Variants in MSRB3 observed in about 807,000 individuals in gnomAD.
MSRB3 encodes the protein methionine sulfoxide reductase B3, also known as methionine-R-sulfoxide reductase B3.
MSRB3 carries 13 observed loss-of-function variants against 21.0 expected under a neutral mutation model. The observed-to-expected ratio is 0.62, with a 90% CI of 0.40 to 0.98. The LOEUF is 0.98. Ranked by LOEUF, MSRB3 falls within the 50% of genes least tolerant of loss-of-function variation. The probability of loss-of-function intolerance (pLI) is 0.00; values close to 1 mark genes in which losing one functional copy is unlikely to be tolerated. For missense variants in MSRB3, 199 were observed against 230.3 expected, an observed-to-expected ratio of 0.86 and a Z score of 0.88; for synonymous variants, 87 against 88.6, an observed-to-expected ratio of 0.98 and a Z score of 0.10.
At chr12:65,424,603 C>T (rs1397010447) in intron 5 of MSRB3, among the ~76,000 whole-genome samples, 1 of 151,990 alleles carries the variant, frequency 6.6e-6, no homozygotes, top group Non-Finnish European at 1.5e-5. Context: ...AACTTCTTCA[C>T]ATGTGTGAAT....
intron 2 of MSRB3, among the ~76,000 whole-genome samples, chr12:65,313,509 CAT>C (rs954930376): frequency 3.9e-5 from 6 of 152,106 alleles, no homozygotes; most frequent in South Asian, 2.1e-4. Flanking sequence ...TGCATCTACA[CAT>C]GTTTTCATAT....
At position 65,463,185 on chromosome 12, in the gene MSRB3, G is replaced by A; in HGVS notation, c.421G>A (p.Asp141Asn). Residue 141 changes from aspartate (D) to asparagine (N), a missense_variant, in exon 7 of 7, where the codon GAT becomes AAT. Transcript: ENST00000308259. ...CGAHLGHIFDDGPRPTGKRYC... is the reference protein window; with the variant it reads ...CGAHLGHIFDNGPRPTGKRYC... ...TGCTCACCTTGGGCACATTTTTGAT[G>A]ATGGGCCTCGTCCAACTGGGAAAAG... 6.2e-7 allele frequency: 1 copy of A among 1,614,120 alleles called. No homozygotes were observed. The highest frequency in any genetic ancestry group is 1.1e-5 in the South Asian group (1 of 91,082).
At chr12:65,329,893 G>C (rs1875298966) in intron 4 of MSRB3, among the ~76,000 whole-genome samples, 1 of 152,154 alleles carries the variant, frequency 6.6e-6, no homozygotes, top group African/African-American at 2.4e-5. Flanking sequence ...CATTGGTTGA[G>C]AATCTGTTCT....
chr12:65,294,222 C>T (rs934529920), intron 1 of MSRB3, among the ~76,000 whole-genome samples: 2 of 152,164 alleles, frequency 1.3e-5, no homozygotes, highest in South Asian at 2.1e-4. Flanking sequence ...TTAGTGTCTC[C>T]TGTTGGATCC....
intron 4 of MSRB3, among the ~76,000 whole-genome samples, chr12:65,355,446 A>G (rs992194117): frequency 1.3e-5 from 2 of 151,922 alleles, no homozygotes; most frequent in African/African-American, 4.8e-5. Flanking sequence ...TTTCATAATC[A>G]TAAGTTGGCT....
chr12:65,429,269 G>A (rs555997250), intron 5 of MSRB3, among the ~76,000 whole-genome samples: 4 of 152,228 alleles, frequency 2.6e-5, no homozygotes, highest in African/African-American at 7.2e-5. Flanking sequence ...GGAGGGAGAC[G>A]CTCATTTAAA....
chr12:65,429,093 C>G (rs781346498), intron 5 of MSRB3, among the ~76,000 whole-genome samples: 1 of 152,074 alleles, frequency 6.6e-6, no homozygotes. Context: ...GCCTTAGGGA[C>G]AGGAGATACA....
At chr12:65,337,965 T>C (rs1030184756) in intron 4 of MSRB3, among the ~76,000 whole-genome samples, 1 of 152,224 alleles carries the variant, frequency 6.6e-6, no homozygotes, top group Non-Finnish European at 1.5e-5. Context: ...GATTATGATA[T>C]AGGGCTTTTG....
chr12:65,338,579 A>T (rs1232129435), intron 4 of MSRB3, among the ~76,000 whole-genome samples: 1 of 152,206 alleles, frequency 6.6e-6, no homozygotes, highest in Admixed American at 6.5e-5. Flanking sequence ...AAAAAATAGG[A>T]TCAACCACCC....
chr12:65,415,892 G>A (rs1247328855), intron 5 of MSRB3, among the ~76,000 whole-genome samples: 1 of 152,150 alleles, frequency 6.6e-6, no homozygotes, highest in African/African-American at 2.4e-5. Context: ...ATAGTGCCAA[G>A]TTGTGGTTTG....
At chr12:65,352,688 A>G (rs1877097759) in intron 4 of MSRB3, among the ~76,000 whole-genome samples, 1 of 151,934 alleles carries the variant, frequency 6.6e-6, no homozygotes, top group Non-Finnish European at 1.5e-5. Context: ...ACAGAGAGCC[A>G]AATTATGAGT....
At chr12:65,406,162 G>A (rs1592606775) in intron 5 of MSRB3, among the ~76,000 whole-genome samples, 1 of 152,084 alleles carries the variant, frequency 6.6e-6, no homozygotes, top group East Asian at 1.9e-4. Flanking sequence ...GTGTCATCGA[G>A]CTTTCTCTCT....
At chr12:65,343,707 G>A (rs1411497698) in intron 4 of MSRB3, among the ~76,000 whole-genome samples, 2 of 151,990 alleles carry the variant, frequency 1.3e-5, no homozygotes, top group Non-Finnish European at 2.9e-5. Context: ...GTAAGAGATG[G>A]AGCTAGGACA....
chr12:65,297,867 A>G (rs1426692932), intron 1 of MSRB3, among the ~76,000 whole-genome samples: 1 of 152,194 alleles, frequency 6.6e-6, no homozygotes, highest in Non-Finnish European at 1.5e-5. Context: ...TGGGAGATGA[A>G]AGGGATGTAT....
chr12:65,416,838 C>T (rs573966635), intron 5 of MSRB3, among the ~76,000 whole-genome samples: 5 of 152,204 alleles, frequency 3.3e-5, no homozygotes, highest in Non-Finnish European at 7.4e-5. Flanking sequence ...GGTGGGGAAA[C>T]GTGAAGGCCT....
At chr12:65,312,067 A>G (rs1349981102) in intron 2 of MSRB3, among the ~76,000 whole-genome samples, 1 of 152,046 alleles carries the variant, frequency 6.6e-6, no homozygotes, top group Non-Finnish European at 1.5e-5. Flanking sequence ...CTGGATTAGG[A>G]GTTAGAAAAC....
chr12:65,325,709 A>T (rs1404537911), intron 2 of MSRB3, among the ~76,000 whole-genome samples: 1 of 152,134 alleles, frequency 6.6e-6, no homozygotes, highest in Non-Finnish European at 1.5e-5. Context: ...TATTTGGGAA[A>T]CTAAGCAAGC....
At chr12:65,387,082 A>C (rs1344422100) in intron 5 of MSRB3, among the ~76,000 whole-genome samples, 1 of 152,118 alleles carries the variant, frequency 6.6e-6, no homozygotes, top group Admixed American at 6.5e-5. Flanking sequence ...ACAGTACAAC[A>C]GCAGTATCTC....
At chr12:65,292,004 T>C (rs1456724000) in intron 1 of MSRB3, among the ~76,000 whole-genome samples, 2 of 152,174 alleles carry the variant, frequency 1.3e-5, no homozygotes, top group Non-Finnish European at 2.9e-5. Flanking sequence ...CAGATAGGAA[T>C]TGATAATGGT....
Sources: allele counts gnomAD v4.1 joint callset (sites outside exome capture counted in the v4.1 genomes callset), GRCh38; gene constraint gnomAD v4.1.1; transcripts MANE v1.5; gene names NCBI Gene and HGNC (gene_info 2026-07-23, HGNC 2026-07-21).